Variants in MED16 observed in about 807,000 individuals in gnomAD.
MED16 encodes the protein mediator of RNA polymerase II transcription subunit 16.
A neutral mutation model predicts 84.4 loss-of-function variants in MED16; 81 were observed. The ratio of observed to expected loss-of-function variants is 0.96; its 90% CI spans 0.80 to 1.15. MED16 has a LOEUF of 1.15. Ranked by LOEUF, MED16 falls within the 50% of genes most tolerant of loss-of-function variation. MED16 has a pLI of 0.00. For synonymous variants in MED16, 897 were observed against 552.2 expected, an observed-to-expected ratio of 1.62 and a Z score of -8.76; for missense variants, 1,585 against 1,245.9, an observed-to-expected ratio of 1.27 and a Z score of -4.10.
At chr19:874,145 A>G (rs889011038) in intron 10 of MED16, among the ~76,000 whole-genome samples, 96 of 132,986 alleles carry the variant, frequency 7.2e-4, no homozygotes, top group African/African-American at 2.3e-3. Flanking sequence ...ACAGAGTCTC[A>G]CTCTGTCGCC....
chr19:885,054 G>A (rs1032702524), intron 5 of MED16, 46 bp from the exon 6 acceptor site: 1 of 1,457,158 alleles, frequency 6.9e-7, no homozygotes. Context: ...CTGCTGTGGT[G>A]GCCACGCCAC....
intron 8 of MED16, among the ~76,000 whole-genome samples, 162 bp downstream of exon 8, chr19:879,775 C>T (rs1032830025): frequency 1.3e-4 from 19 of 141,320 alleles, no homozygotes; most frequent in Non-Finnish European, 6.2e-5. Context: ...CCCAGCCCCA[C>T]GTGCCCCAGC....
At chr19:890,548 T>C (rs1168400851) in intron 2 of MED16, 2 of 369,400 alleles carry the variant, frequency 5.4e-6, no homozygotes, top group Non-Finnish European at 9.8e-6. Context: ...TTGATTCCAA[T>C]TTTCTGTGGT....
intron 14 of MED16, among the ~76,000 whole-genome samples, 166 bp from the exon 15 acceptor site, chr19:868,665 AGC>A (rs1472950621): frequency 6.6e-6 from 1 of 151,730 alleles, no homozygotes; most frequent in Non-Finnish European, 1.5e-5. Context: ...TCCTCCCCCC[AGC>A]AATGCTGCTC....
intron 8 of MED16, among the ~76,000 whole-genome samples, chr19:879,255 G>A (rs111756427): frequency 0.017 from 1,455 of 83,580 alleles, no homozygotes; most frequent in Middle Eastern, 0.037. Context: ...CCAGCAGCTC[G>A]CCTTCCTCTG....
At position 877,082 on chromosome 19, in the gene MED16, G is replaced by A. The variant is rs62132304; in HGVS notation, c.1452C>T (p.Thr484=). The A allele has an allele frequency of 1.5e-3, 2,385 of 1,612,670 alleles. 12 individuals carry two copies. Among genetic ancestry groups the A allele is most frequent in the African/African-American group, 8.7e-3 (651 of 75,054 alleles). The change falls in exon 9 of 16, where the codon ACC becomes ACT. Residue 484 remains threonine (T), a synonymous_variant. Transcript: ENST00000325464. ...LLFLLEYCMV[T]GYDWWDILLH... ...GCAGGATGTCCCACCAGTCGTAGCCGGTCACCATGCAGTACTCCAGCAGGA... is the reference window on the plus strand; with the variant it reads ...GCAGGATGTCCCACCAGTCGTAGCCAGTCACCATGCAGTACTCCAGCAGGA...
At chr19:889,041 C>G (rs1336013672) in intron 4 of MED16, among the ~76,000 whole-genome samples, 2 of 142,018 alleles carry the variant, frequency 1.4e-5, no homozygotes, top group African/African-American at 2.7e-5. Flanking sequence ...GCCACGCCTA[C>G]TCTTAACTGT....
rs761326532 is a variant in MED16 at position 872,034 on chromosome 19, T to G, written c.1990A>C (p.Ile664Leu). 1.9e-6 allele frequency: 3 copies of G among 1,609,096 alleles called. No individual in the cohort carries two copies. Among genetic ancestry groups the G allele is most frequent in the Non-Finnish European group, 2.5e-6 (3 of 1,178,334 alleles). ...CAGCTGGGCTTCAGAAGGCCCCAGA[T>G]GCGGATGACCACCATCAATTCCCGA... ...MLRELMVVIR[I>L]WGLLKPSCLP... The change falls in exon 12 of 16, where the codon ATC (isoleucine) becomes CTC (leucine). Residue 664 changes from isoleucine to leucine, a missense_variant. By Grantham distance (5) the Ile-to-Leu change is conservative. Transcript: ENST00000325464.
chr19:868,319 C>T (rs752004209), intron 15 of MED16, 68 bp from the exon 16 acceptor site: 21 of 1,577,362 alleles, frequency 1.3e-5, no homozygotes, highest in African/African-American at 1.1e-4. Flanking sequence ...TTGCAGCAGC[C>T]GGGCTCAGGG....
At chr19:875,756 G>C (rs2036216054) in intron 9 of MED16, among the ~76,000 whole-genome samples, 1 of 152,228 alleles carries the variant, frequency 6.6e-6, no homozygotes, top group Non-Finnish European at 1.5e-5. Flanking sequence ...GGTGGAGGCT[G>C]GGGAGGCTGC....
intron 8 of MED16, among the ~76,000 whole-genome samples, chr19:878,653 A>G (rs1440804280): frequency 1.2e-4 from 13 of 108,916 alleles, no homozygotes; most frequent in East Asian, 3.1e-4. Flanking sequence ...CCAGCAGCTC[A>G]CCTTCCCCTG....
At chr19:886,232 C>T (rs139394580) in intron 4 of MED16, 31 bp from the exon 5 acceptor site, 47,221 of 1,480,014 alleles carry the variant, frequency 0.032, 863 homozygotes, top group Middle Eastern at 0.086. Context: ...GAGGAGGGGC[C>T]GCTCAGGCTC....
At chr19:880,431 A>C (rs996808354) in intron 7 of MED16, among the ~76,000 whole-genome samples, 2 of 152,134 alleles carry the variant, frequency 1.3e-5, no homozygotes, top group African/African-American at 4.8e-5. Context: ...CCCCTCAAGG[A>C]GCGCAGGGGA....
Position 882,146 on chromosome 19 carries a change from C to A in MED16, c.986-432G>T, listed in dbSNP as rs561445489. ...CACCCACAGATCCGCTGCCTGACAG[C>A]CCCTGCGTGAAGACGCAGCTCCTCC... On this transcript the variant is annotated intron_variant, in intron 6 of 15. Coordinates refer to ENST00000325464, the MANE Select transcript of MED16 (RefSeq NM_005481.3). Among the ~76,000 whole-genome samples, 351 of 152,368 alleles carry A rather than the reference C, an allele frequency of 2.3e-3. 3 individuals are homozygous for A. The highest frequency in any genetic ancestry group is 8.1e-3 in the African/African-American group (338 of 41,590).
chr19:881,848 G>A (rs987257061), intron 6 of MED16, 134 bp from the exon 7 acceptor site: 99 of 1,099,212 alleles, frequency 9.0e-5, no homozygotes, highest in Non-Finnish European at 1.1e-4. Flanking sequence ...CTGCTCCCAT[G>A]CCCAGAAGAC....
intron 8 of MED16, among the ~76,000 whole-genome samples, chr19:878,261 G>T (rs551815676): frequency 0.1 from 1,038 of 10,258 alleles, 1 homozygote; most frequent in Middle Eastern, 0.12. Context: ...CAGCCCCACG[G>T]GCCCCAGCAG....
At chr19:889,932 G>A (rs1245443150) in intron 3 of MED16, 125 bp from the exon 4 acceptor site, 9 of 1,163,530 alleles carry the variant, frequency 7.7e-6, no homozygotes, top group East Asian at 2.6e-5. Flanking sequence ...GGGCACAGCA[G>A]GTGGCACAAG....
At chr19:887,009 G>A (rs985002307) in intron 4 of MED16, among the ~76,000 whole-genome samples, 16 of 150,728 alleles carry the variant, frequency 1.1e-4, no homozygotes, top group African/African-American at 3.7e-4. Context: ...AATCCAGGAG[G>A]TGGTGATTGC....
intron 6 of MED16, among the ~76,000 whole-genome samples, chr19:882,333 C>G (rs1222338686): frequency 6.6e-6 from 1 of 152,074 alleles, no homozygotes; most frequent in Admixed American, 6.5e-5. Context: ...CACAGCAAGA[C>G]CCCATTCTCT....
Sources: gnomAD v4.1 joint callset for allele counts (sites outside exome capture counted in the v4.1 genomes callset) on GRCh38, gnomAD v4.1.1 for gene constraint, MANE v1.5 for transcripts, NCBI Gene and HGNC (gene_info 2026-07-23, HGNC 2026-07-21) for gene names.